The following SNX9 variants were observed in gnomAD, a reference collection of about 807,000 sequenced individuals.
SNX9 encodes sorting nexin 9.
In SNX9, 44 loss-of-function variants were observed where a neutral mutation model predicts 89.4. The ratio of observed to expected loss-of-function variants is 0.49; its 90% CI spans 0.39 to 0.63. The LOEUF (loss-of-function observed/expected upper bound fraction) is 0.63, where lower values mean the gene tolerates loss of function less well. Among genes scored for constraint, SNX9 ranks in the 30% least tolerant of loss-of-function variants. The pLI, the probability that SNX9 is intolerant of heterozygous loss-of-function variation, is 0.00. For missense variants in SNX9, 578 were observed against 736.1 expected, an observed-to-expected ratio of 0.79 and a Z score of 2.49; for synonymous variants, 236 against 247.8, an observed-to-expected ratio of 0.95 and a Z score of 0.45.
At chr6:157,922,031 C>T (rs956899461) in intron 10 of SNX9, among the ~76,000 whole-genome samples, 2 of 152,158 alleles carry the variant, frequency 1.3e-5, no homozygotes, top group African/African-American at 4.8e-5. Flanking sequence ...TTCCCGATCA[C>T]GTTGCCCTTA....
At chr6:157,917,285 CTCTTT>C (rs1783491953) in intron 9 of SNX9, among the ~76,000 whole-genome samples, 1 of 151,266 alleles carries the variant, frequency 6.6e-6, no homozygotes. Flanking sequence ...TTTTATTTTT[CTCTTT>C]TCTATTATAT....
intron 1 of SNX9, among the ~76,000 whole-genome samples, chr6:157,834,592 C>T (rs1431861546): frequency 2.0e-5 from 3 of 151,948 alleles, no homozygotes; most frequent in East Asian, 1.9e-4. Flanking sequence ...TAGGCTCAAA[C>T]GATCCTCCTG....
At chr6:157,900,095 G>C (rs9356113) in intron 5 of SNX9, among the ~76,000 whole-genome samples, 38,829 of 151,880 alleles carry the variant, frequency 0.26, 5,338 homozygotes, top group African/African-American at 0.34. Context: ...CTAGTTCCCC[G>C]TCTCCCTGCC....
intron 1 of SNX9, among the ~76,000 whole-genome samples, chr6:157,830,738 G>A (rs968688829): frequency 6.6e-6 from 1 of 152,164 alleles, no homozygotes; most frequent in Non-Finnish European, 1.5e-5. Flanking sequence ...GCCACATGTG[G>A]CTAATGGCTA....
At chr6:157,867,265 T>A (rs1450813479) in intron 1 of SNX9, among the ~76,000 whole-genome samples, 1 of 152,194 alleles carries the variant, frequency 6.6e-6, no homozygotes, top group Non-Finnish European at 1.5e-5. Flanking sequence ...AAAATAGGTA[T>A]ATTTCGAGTA....
intron 9 of SNX9, among the ~76,000 whole-genome samples, chr6:157,911,892 G>A (rs1327800325): frequency 6.6e-6 from 1 of 152,130 alleles, no homozygotes; most frequent in East Asian, 1.9e-4. Flanking sequence ...TAGCAAAATT[G>A]AAAATGGGGC....
chr6:157,882,662 A>G (rs191005417), intron 4 of SNX9, among the ~76,000 whole-genome samples: 1 of 152,340 alleles, frequency 6.6e-6, no homozygotes, highest in Non-Finnish European at 1.5e-5. Flanking sequence ...GAAGATGTTC[A>G]TGAAGGAAGT....
intron 9 of SNX9, among the ~76,000 whole-genome samples, chr6:157,915,078 T>A (rs1299694553): frequency 6.6e-6 from 1 of 152,142 alleles, no homozygotes. Context: ...TAGAAACATG[T>A]TTGTAAGAGA....
intron 9 of SNX9, among the ~76,000 whole-genome samples, chr6:157,918,148 G>C (rs112770747): frequency 1.8e-4 from 27 of 152,192 alleles, no homozygotes; most frequent in African/African-American, 6.3e-4. Flanking sequence ...GTGTTATTCA[G>C]GTTTCTATAT....
chr6:157,934,896 T>A (rs1162485611), intron 13 of SNX9, among the ~76,000 whole-genome samples: 1 of 152,172 alleles, frequency 6.6e-6, no homozygotes, highest in Non-Finnish European at 1.5e-5. Flanking sequence ...AAGGTCCACG[T>A]CCCACCACAG....
intron 10 of SNX9, among the ~76,000 whole-genome samples, chr6:157,922,716 A>C (rs1337009926): frequency 6.6e-6 from 1 of 152,262 alleles, no homozygotes; most frequent in Non-Finnish European, 1.5e-5. Context: ...GGAATTAGAC[A>C]ACATGGAGAT....
intron 1 of SNX9, among the ~76,000 whole-genome samples, chr6:157,855,580 A>G (rs1459842534): frequency 6.6e-6 from 1 of 152,186 alleles, no homozygotes; most frequent in African/African-American, 2.4e-5. Flanking sequence ...GTGAAAAATA[A>G]ACTGTTTCAT....
At chr6:157,894,746 G>A (rs1782944887) in intron 4 of SNX9, among the ~76,000 whole-genome samples, 1 of 152,176 alleles carries the variant, frequency 6.6e-6, no homozygotes, top group Non-Finnish European at 1.5e-5. Context: ...TCAGAATGTG[G>A]GAATGTTATT....
At chr6:157,849,532 C>T (rs541935452) in intron 1 of SNX9, among the ~76,000 whole-genome samples, 2 of 152,226 alleles carry the variant, frequency 1.3e-5, no homozygotes, top group South Asian at 2.1e-4. Context: ...TGGAGCAAGG[C>T]GCAGCAGGTG....
chr6:157,917,253 T>G (rs779632230), intron 9 of SNX9, among the ~76,000 whole-genome samples: 2 of 151,262 alleles, frequency 1.3e-5, no homozygotes, highest in Non-Finnish European at 2.9e-5. Context: ...TCACCTCTCT[T>G]TTTTTCTTTG....
At chr6:157,848,353 G>A (rs1172151259) in intron 1 of SNX9, among the ~76,000 whole-genome samples, 1 of 152,086 alleles carries the variant, frequency 6.6e-6, no homozygotes, top group Non-Finnish European at 1.5e-5. Context: ...AAACTGGGCA[G>A]GCTATTAGGG....
chr6:157,855,596 A>G (rs1256451760), intron 1 of SNX9, among the ~76,000 whole-genome samples: 1 of 152,142 alleles, frequency 6.6e-6, no homozygotes, highest in Non-Finnish European at 1.5e-5. Flanking sequence ...TTCATTTTAT[A>G]TTCTTTTCTG....
At chr6:157,861,466 A>C (rs1016117821) in intron 1 of SNX9, among the ~76,000 whole-genome samples, 1 of 152,258 alleles carries the variant, frequency 6.6e-6, no homozygotes, top group Non-Finnish European at 1.5e-5. Flanking sequence ...GACTCCCAGC[A>C]AGAAAAGATA....
At chr6:157,938,858 C>T (rs1375678265) in intron 16 of SNX9, 111 bp downstream of exon 16, 6 of 678,498 alleles carry the variant, frequency 8.8e-6, no homozygotes, top group Admixed American at 2.4e-5. Flanking sequence ...TAAGTGAGAC[C>T]TTTTAAGCCC....
Sources: gnomAD v4.1 joint callset for allele counts (sites outside exome capture counted in the v4.1 genomes callset) on GRCh38, gnomAD v4.1.1 for gene constraint, MANE v1.5 for transcripts, NCBI Gene and HGNC (gene_info 2026-07-23, HGNC 2026-07-21) for gene names.